PUM2: variants seen among roughly 807,000 people sequenced by gnomAD.
The protein encoded by PUM2 is pumilio homolog 2.
A neutral mutation model predicts 124.5 loss-of-function variants in PUM2; 57 were observed. The observed-to-expected ratio is 0.46, with a 90% CI of 0.37 to 0.57. The LOEUF is 0.57. Ranked by LOEUF, PUM2 falls within the 20% of genes least tolerant of loss-of-function variation. The pLI is 0.00. For synonymous variants in PUM2, 460 were observed against 446.1 expected, an observed-to-expected ratio of 1.03 and a Z score of -0.39; for missense variants, 1,065 against 1,290.6, an observed-to-expected ratio of 0.83 and a Z score of 2.68.
intron 1 of PUM2, among the ~76,000 whole-genome samples, chr2:20,336,767 T>G: frequency 2.5e-5 from 3 of 118,380 alleles, no homozygotes; most frequent in African/African-American, 9.8e-5. Context: ...TGTGTGTGTG[T>G]GTGTGTGTGT....
intron 4 of PUM2, among the ~76,000 whole-genome samples, chr2:20,311,879 G>T (rs976880537): frequency 3.3e-5 from 5 of 152,270 alleles, no homozygotes; most frequent in African/African-American, 1.2e-4. Context: ...CTATAGCGGT[G>T]CTGGAAAAGC....
chr2:20,332,669 AAACAGCTAC>A (rs1685166590), intron 1 of PUM2, among the ~76,000 whole-genome samples: 1 of 152,170 alleles, frequency 6.6e-6, no homozygotes, highest in African/African-American at 2.4e-5. Flanking sequence ...GCTGTCTCTT[AAACAGCTAC>A]AAATGCTGGT....
At position 20,318,625 on chromosome 2, in the gene PUM2, A is replaced by C; in HGVS notation, c.72T>G (p.Phe24Leu). 1.9e-6 allele frequency: 3 copies of C among 1,613,302 alleles called. No homozygotes were observed. The highest frequency in any genetic ancestry group is 2.5e-6 in the Non-Finnish European group (3 of 1,179,820). Reference sequence around the variant, plus strand: ...CTTTTGTTGAATCATCAGGTTCCCAAAACTTTTTGGTAGGCAAAAGCTATT... The same window carrying C: ...CTTTTGTTGAATCATCAGGTTCCCACAACTTTTTGGTAGGCAAAAGCTATT... Reference protein sequence around the residue: ...GMGELLPTKKFWEPDDSTKDG... With the variant: ...GMGELLPTKKLWEPDDSTKDG... The change falls in exon 3 of 21, where the codon TTT (phenylalanine) becomes TTG (leucine). Residue 24 changes from phenylalanine (F) to leucine (L), a missense_variant. By Grantham distance (22) the Phe-to-Leu change is conservative (BLOSUM62 0). This residue lies in a region of PUM2 where 90 missense variants were observed against 103.6 expected (regional missense o/e 0.87). Transcript: ENST00000361078.
chr2:20,254,100 A>G, intron 19 of PUM2, 86 bp from the exon 20 acceptor site: 1 of 1,152,460 alleles, frequency 8.7e-7, no homozygotes, highest in South Asian at 1.5e-5. Context: ...ATCTTCTCCA[A>G]TGAACAATAA....
intron 12 of PUM2, among the ~76,000 whole-genome samples, chr2:20,281,862 T>TA (rs1309154295): frequency 6.6e-6 from 1 of 152,242 alleles, no homozygotes; most frequent in African/African-American, 2.4e-5. Context: ...GTGGCTGTTC[T>TA]AGACCATCCT....
rs1553350601 is a variant in PUM2 at position 20,249,033 on chromosome 2, AC to A, written c.*2551del. ...GGCAGACTGTAAAATTTCTACAAGA[AC>A]AGGTACTTTTGTAGAGCAGGCCTGA... On this transcript the variant is annotated 3_prime_UTR_variant, in exon 21 of 21. Transcript: ENST00000361078. The A allele has an allele frequency of 1.7e-4, 26 of 152,264 alleles. No individual in the cohort carries two copies. The highest frequency in any genetic ancestry group is 2.9e-5 in the Non-Finnish European group (2 of 68,050). 9.4% of individuals were successfully genotyped at this position (152,264 alleles called of 1,614,324 possible).
intron 13 of PUM2, 139 bp downstream of exon 13, chr2:20,278,444 C>T: frequency 1.4e-6 from 1 of 733,806 alleles, no homozygotes; most frequent in Non-Finnish European, 2.1e-6. Flanking sequence ...AGAACTTTTT[C>T]AAAAGACTAA....
At chr2:20,270,957 G>A (rs972508111) in intron 13 of PUM2, among the ~76,000 whole-genome samples, 1 of 152,046 alleles carries the variant, frequency 6.6e-6, no homozygotes, top group Non-Finnish European at 1.5e-5. Context: ...TAATTCCAAT[G>A]AAATCACTAT....
chr2:20,258,963 G>A (rs915636972), intron 15 of PUM2, among the ~76,000 whole-genome samples: 7 of 151,696 alleles, frequency 4.6e-5, no homozygotes, highest in Non-Finnish European at 8.8e-5. Flanking sequence ...CACCGCGCCC[G>A]GCCAAAACCC....
chr2:20,341,872 G>C (rs754150218), intron 1 of PUM2, among the ~76,000 whole-genome samples: 2 of 152,164 alleles, frequency 1.3e-5, no homozygotes, highest in African/African-American at 2.4e-5. Flanking sequence ...GCTCACGCCT[G>C]TAATCCCAGC....
At chr2:20,325,651 T>G (rs2148838610) in intron 2 of PUM2, among the ~76,000 whole-genome samples, 1 of 150,804 alleles carries the variant, frequency 6.6e-6, no homozygotes. Flanking sequence ...AGACGGAGTC[T>G]CGGTTTGTCC....
At chr2:20,298,228 T>C (rs946788487) in intron 7 of PUM2, among the ~76,000 whole-genome samples, 3 of 152,090 alleles carry the variant, frequency 2.0e-5, no homozygotes, top group African/African-American at 7.2e-5. Flanking sequence ...TAATAAACTT[T>C]GGAAGGGGTG....
intron 1 of PUM2, among the ~76,000 whole-genome samples, chr2:20,330,259 A>C (rs2148903019): frequency 6.6e-6 from 1 of 152,316 alleles, no homozygotes; most frequent in Non-Finnish European, 1.5e-5. Context: ...CTGAAAATGT[A>C]ATACTGTAAA....
rs373703332 is a variant in PUM2, at chr2:20,296,481, C to A, written c.1009+1072G>T. On this transcript the variant is annotated intron_variant, in intron 8 of 20. Transcript: ENST00000361078. ...CTGCACTCCAGCCTGGGCAACAGAGCGAGACTCTGTCTCAAAAAAAAAAAA... is the reference window on the plus strand; with the variant it reads ...CTGCACTCCAGCCTGGGCAACAGAGAGAGACTCTGTCTCAAAAAAAAAAAA... 2.1e-5 allele frequency among the ~76,000 whole-genome samples: 3 copies of A among 145,212 alleles called. No homozygotes were observed. In the South Asian group the frequency reaches 6.7e-4, roughly 33 times the overall value.
chr2:20,335,125 A>G (rs773116741), intron 1 of PUM2, among the ~76,000 whole-genome samples: 6 of 152,064 alleles, frequency 3.9e-5, no homozygotes, highest in Non-Finnish European at 8.8e-5. Flanking sequence ...GGGTCTCCCT[A>G]TGTTGCCTAG....
chr2:20,275,728 G>C (rs923137660), intron 13 of PUM2, among the ~76,000 whole-genome samples: 3 of 152,004 alleles, frequency 2.0e-5, no homozygotes, highest in African/African-American at 7.2e-5. Flanking sequence ...TTACAGGAAA[G>C]AGACATAGGA....
chr2:20,336,681 T>TGTGTGTG (rs1686101213), intron 1 of PUM2, among the ~76,000 whole-genome samples: 1 of 131,486 alleles, frequency 7.6e-6, no homozygotes, highest in Non-Finnish European at 1.6e-5. Flanking sequence ...CCTGGCTAAT[T>TGTGTGTG]TGTGTGTGTG....
chr2:20,334,596 T>C (rs1685593094), intron 1 of PUM2, among the ~76,000 whole-genome samples: 1 of 152,220 alleles, frequency 6.6e-6, no homozygotes, highest in African/African-American at 2.4e-5. Context: ...TTTTATGAAA[T>C]GTGAATTCCG....
intron 20 of PUM2, among the ~76,000 whole-genome samples, chr2:20,253,432 G>A (rs564548193): frequency 6.6e-6 from 1 of 152,158 alleles, no homozygotes; most frequent in Admixed American, 6.5e-5. Context: ...TGAACTCCTG[G>A]GCTCAAGTGG....
Sources: gnomAD v4.1 joint callset for allele counts (sites outside exome capture counted in the v4.1 genomes callset) on GRCh38, gnomAD v4.1.1 for gene constraint, gnomAD v4.1.1 regional missense constraint, MANE v1.5 for transcripts, NCBI Gene and HGNC (gene_info 2026-07-23, HGNC 2026-07-21) for gene names.